Variants in PIK3C2G observed in about 807,000 individuals in gnomAD.
PIK3C2G encodes phosphatidylinositol-4-phosphate 3-kinase catalytic subunit type 2 gamma.
Under a neutral mutation model 181.1 loss-of-function variants are expected in PIK3C2G, and 168 were observed. The ratio of observed to expected loss-of-function variants is 0.93; its 90% CI spans 0.82 to 1.05. PIK3C2G has a LOEUF of 1.05. PIK3C2G is among the 50% of genes least tolerant of loss of function. PIK3C2G has a pLI of 0.00. For missense variants in PIK3C2G, 1,869 were observed against 1,732.8 expected (o/e 1.08, Z -1.40); for synonymous variants, 573 against 592.2 (o/e 0.97, Z 0.47).
At chr12:18,335,149 C>A in intron 8 of PIK3C2G, among the ~76,000 whole-genome samples, 1 of 152,026 alleles carries the variant, frequency 6.6e-6, no homozygotes, top group Admixed American at 6.6e-5. Flanking sequence ...TTTTCTTCTC[C>A]CACTTTTTAC....
intron 18 of PIK3C2G, among the ~76,000 whole-genome samples, chr12:18,476,852 G>A (rs768456865): frequency 6.6e-6 from 1 of 151,592 alleles, no homozygotes. Context: ...CTTATAAATA[G>A]ATGAACATGG....
intron 32 of PIK3C2G, among the ~76,000 whole-genome samples, chr12:18,643,798 C>A (rs1949969235): frequency 6.6e-6 from 1 of 151,974 alleles, no homozygotes; most frequent in African/African-American, 2.4e-5. Context: ...TTGTTTTAAA[C>A]TTTTCCTCCA....
chr12:18,562,841 T>C lies in PIK3C2G; in HGVS notation c.3729T>C (p.Thr1243=). 1 of 1,607,254 alleles carries C rather than the reference T, an allele frequency of 6.2e-7. No homozygotes were observed. The stretch of plus-strand genomic sequence containing the variant: ...AGGAATCCTGTTTGCTGAGTACAAC[T>C]AGGTCGATTGAAAGAGCAACAATTT... ...FPQESCLLST[T]RSIERATILG... The change falls in exon 27 of 33, where the codon ACT becomes ACC. Residue 1243 remains threonine (T), a synonymous_variant. Transcript: ENST00000538779.
At chr12:18,397,218 G>GA (rs145142019) in intron 15 of PIK3C2G, among the ~76,000 whole-genome samples, 19,137 of 151,718 alleles carry the variant, frequency 0.13, 1,246 homozygotes, top group African/African-American at 0.15. Context: ...GAATACTTCA[G>GA]AAAAAATCAC....
intron 5 of PIK3C2G, among the ~76,000 whole-genome samples, chr12:18,312,519 C>G (rs1386627369): frequency 1.3e-5 from 2 of 152,058 alleles, no homozygotes; most frequent in Non-Finnish European, 2.9e-5. Context: ...AGGACAGGAA[C>G]TTGATTACAT....
At chr12:18,380,946 T>C (rs1340828870) in intron 13 of PIK3C2G, among the ~76,000 whole-genome samples, 1 of 152,250 alleles carries the variant, frequency 6.6e-6, no homozygotes, top group East Asian at 1.9e-4. Context: ...TTTAATTTTG[T>C]TGACTTTCAG....
chr12:18,399,648 T>C lies in PIK3C2G; in HGVS notation c.2127-11T>C. 1 of 1,518,882 alleles carries C rather than the reference T, an allele frequency of 6.6e-7. No individual in the cohort carries two copies. Among genetic ancestry groups the C allele is most frequent in the Non-Finnish European group, 9.0e-7 (1 of 1,117,290 alleles). 94.1% of individuals were successfully genotyped at this position (1,518,882 alleles called of 1,614,324 possible). Reference sequence around the variant, plus strand: ...CTCCAGTAAATTACAGTTTCCAATCTGGTTTTTCAGACTCTCTGAAGAAAA... The same window carrying C: ...CTCCAGTAAATTACAGTTTCCAATCCGGTTTTTCAGACTCTCTGAAGAAAA... On this transcript the variant is annotated splice_polypyrimidine_tract_variant and intron_variant, in intron 15 of 32. Transcript: ENST00000538779.
At chr12:18,431,708 C>A (rs952585294) in intron 18 of PIK3C2G, among the ~76,000 whole-genome samples, 16 of 152,170 alleles carry the variant, frequency 1.1e-4, no homozygotes, top group Non-Finnish European at 2.2e-4. Flanking sequence ...AGCCCTTTAC[C>A]TTTGAGAATC....
intron 1 of PIK3C2G, among the ~76,000 whole-genome samples, chr12:18,254,736 C>A (rs1270118362): frequency 6.6e-6 from 1 of 151,754 alleles, no homozygotes; most frequent in Non-Finnish European, 1.5e-5. Context: ...CCAGCTACTC[C>A]AGCTACTCGG....
At chr12:18,505,055 T>C (rs1386941442) in intron 23 of PIK3C2G, among the ~76,000 whole-genome samples, 1 of 152,174 alleles carries the variant, frequency 6.6e-6, no homozygotes, top group Non-Finnish European at 1.5e-5. Context: ...AAAGAAATAT[T>C]TTCCGCAGTT....
At chr12:18,290,170 A>T (rs1289548246) in intron 3 of PIK3C2G, among the ~76,000 whole-genome samples, 4 of 152,186 alleles carry the variant, frequency 2.6e-5, no homozygotes, top group Non-Finnish European at 4.4e-5. Context: ...GTTCAAAAAA[A>T]TTGGTCAAAT....
At chr12:18,690,177 G>A in the PIK3C2G span, among the ~76,000 whole-genome samples, 1 of 152,070 alleles carries the variant, frequency 6.6e-6, no homozygotes, top group African/African-American at 2.4e-5. Context: ...TTTGTGTAAG[G>A]CACAAATAAG....
At chr12:18,663,771 G>A in the PIK3C2G span, among the ~76,000 whole-genome samples, 2 of 152,046 alleles carry the variant, frequency 1.3e-5, no homozygotes, top group African/African-American at 4.8e-5. Context: ...ATTGAAAAAT[G>A]TTGTGCATCT....
the PIK3C2G span, among the ~76,000 whole-genome samples, chr12:18,659,304 G>A: frequency 1.3e-5 from 2 of 152,088 alleles, no homozygotes; most frequent in African/African-American, 4.8e-5. Context: ...TACAATAGAT[G>A]AGAAAACAAA....
chr12:18,472,468 C>T (rs957526856), intron 18 of PIK3C2G, among the ~76,000 whole-genome samples: 17 of 152,070 alleles, frequency 1.1e-4, no homozygotes, highest in African/African-American at 4.1e-4. Context: ...CTCCCTACTC[C>T]CAACTATAAT....
At chr12:18,587,865 A>G (rs531582464) in intron 29 of PIK3C2G, among the ~76,000 whole-genome samples, 2 of 152,016 alleles carry the variant, frequency 1.3e-5, no homozygotes, top group Non-Finnish European at 2.9e-5. Context: ...CTACAGGGAG[A>G]CAGTAACTAA....
chr12:18,692,315 G>C, the PIK3C2G span, among the ~76,000 whole-genome samples: 2 of 152,058 alleles, frequency 1.3e-5, no homozygotes, highest in Non-Finnish European at 2.9e-5. Context: ...GCAAACAACA[G>C]GTACAGTTAT....
At chr12:18,463,951 T>C (rs1194364520) in intron 18 of PIK3C2G, among the ~76,000 whole-genome samples, 3 of 152,146 alleles carry the variant, frequency 2.0e-5, no homozygotes, top group Non-Finnish European at 4.4e-5. Context: ...ATATTCAGTG[T>C]CCTTTCCTCT....
intron 8 of PIK3C2G, among the ~76,000 whole-genome samples, chr12:18,327,971 T>C (rs956133885): frequency 2.6e-5 from 4 of 151,958 alleles, no homozygotes; most frequent in African/African-American, 9.7e-5. Context: ...AAGAATCAAC[T>C]TCTGATTTAA....
Sources: gnomAD v4.1 joint callset for allele counts (sites outside exome capture counted in the v4.1 genomes callset) on GRCh38, gnomAD v4.1.1 for gene constraint, MANE v1.5 for transcripts, NCBI Gene and HGNC (gene_info 2026-07-23, HGNC 2026-07-21) for gene names.